Variants in NLRP2 observed in about 807,000 individuals in gnomAD.
NLRP2 encodes NLR family pyrin domain containing 2, also known as NACHT, LRR and PYD domains-containing protein 2.
Under a neutral mutation model 97.2 loss-of-function variants are expected in NLRP2, and 107 were observed. The ratio of observed to expected loss-of-function variants is 1.10; its 90% CI spans 0.94 to 1.29. The LOEUF (loss-of-function observed/expected upper bound fraction) is 1.29, where lower values mean the gene tolerates loss of function less well. Ranked by LOEUF, NLRP2 falls within the 50% of genes most tolerant of loss-of-function variation. The pLI, the probability that NLRP2 is intolerant of heterozygous loss-of-function variation, is 0.00. For synonymous variants in NLRP2, 663 were observed against 551.5 expected, an observed-to-expected ratio of 1.20 and a Z score of -2.83; for missense variants, 1,495 against 1,330.3, an observed-to-expected ratio of 1.12 and a Z score of -1.93.
intron 10 of NLRP2, among the ~76,000 whole-genome samples, chr19:54,992,556 CTTTT>C (rs71181721): frequency 1.2e-5 from 1 of 82,520 alleles, no homozygotes; most frequent in African/African-American, 5.2e-5. Flanking sequence ...GGGGGGTTTT[CTTTT>C]TTTTTTTTTT....
intron 11 of NLRP2, among the ~76,000 whole-genome samples, 179 bp downstream of exon 11, chr19:54,994,618 GT>G (rs560512287): frequency 1.1e-3 from 154 of 145,966 alleles, no homozygotes; most frequent in African/African-American, 3.1e-3. Context: ...CTAAGTTTTT[GT>G]TTTTTTTTTT....
chr19:54,992,966 C>T (rs1267455299), intron 10 of NLRP2, among the ~76,000 whole-genome samples: 15 of 151,780 alleles, frequency 9.9e-5, no homozygotes, highest in Admixed American at 6.6e-5. Context: ...TCTAGAAGGC[C>T]GGGTAGGGTC....
Position 54,974,084 on chromosome 19 carries a change from G to A in NLRP2, c.281-416G>A, listed in dbSNP as rs531822568. The A allele has an allele frequency of 5.7e-5, 52 of 906,348 alleles. No homozygotes were observed. The East Asian group carries it at 6.1e-4, about 11-fold the overall frequency. The allele number at this position is 906,348 out of a possible 1,614,324, so 56.1% of individuals were successfully genotyped here. ...TTAAAAGATACAAGCAGCCAAGCGC[G>A]GTGGCTCACGCCTGTAATCCCAACA... On this transcript the variant is annotated intron_variant, in intron 2 of 12. Coordinates refer to ENST00000448584, the MANE Select transcript of NLRP2 (RefSeq NM_017852.5).
rs1190900976 is a variant in NLRP2 at position 54,990,761 on chromosome 19, T to A, written c.2708+89T>A. The A allele has an allele frequency of 4.5e-6, 6 of 1,324,450 alleles. No individual in the cohort carries two copies. In the African/African-American group the frequency reaches 8.7e-5, roughly 19 times the overall value. 82.0% of individuals were successfully genotyped at this position (1,324,450 alleles called of 1,614,324 possible). A position where few individuals can be genotyped will look rare whatever the true frequency, so the allele number is the denominator to read the frequency against. On this transcript the variant is annotated intron_variant, in intron 10 of 12. Coordinates refer to ENST00000448584, the MANE Select transcript of NLRP2 (RefSeq NM_017852.5). ...TGAGTAGGGTGGTTATGAGAACACT[T>A]AATTCCTCTAAAAGTTCCAAGCATG...
intron 9 of NLRP2, 71 bp downstream of exon 9, chr19:54,990,263 T>TG: frequency 6.6e-7 from 1 of 1,505,036 alleles, no homozygotes; most frequent in Non-Finnish European, 9.2e-7. Context: ...TGGTCATGCC[T>TG]GACTTGGCTG....
At chr19:54,977,430 A>AG (rs1366963352) in intron 3 of NLRP2, among the ~76,000 whole-genome samples, 2 of 151,820 alleles carry the variant, frequency 1.3e-5, no homozygotes, top group African/African-American at 4.8e-5. Context: ...TCAAAAAAAA[A>AG]GAAAAACTAG....
In NLRP2 at chr19:54,994,453, T is replaced by C. The variant is rs747967401; in HGVS notation, c.2879+14T>C. 2.3e-5 allele frequency: 37 copies of C among 1,611,814 alleles called. No individual in the cohort carries two copies. Among genetic ancestry groups the C allele is most frequent in the South Asian group, 6.6e-5 (6 of 91,006 alleles). On this transcript the variant is annotated intron_variant, in intron 11 of 12. Coordinates refer to ENST00000448584, the MANE Select transcript of NLRP2 (RefSeq NM_017852.5). ...GAGATGTCTGTGGTGAGTTAACTTA[T>C]AAGTTCAACTTCCTATACTTACACC...
intron 2 of NLRP2, among the ~76,000 whole-genome samples, chr19:54,970,877 T>C (rs947888166): frequency 5.4e-5 from 8 of 147,264 alleles, no homozygotes; most frequent in African/African-American, 1.7e-4. Context: ...TTGTGCAGGT[T>C]AGTTACATAT....
In NLRP2 at chr19:54,974,366, G is replaced by C. The variant is rs958597316; in HGVS notation, c.281-134G>C. 1.0e-5 allele frequency: 8 copies of C among 767,912 alleles called. No homozygotes were observed. In the African/African-American group the frequency reaches 1.4e-4, roughly 13 times the overall value. The allele number at this position is 767,912 out of a possible 1,614,324, so 47.6% of individuals were successfully genotyped here. A position where few individuals can be genotyped will look rare whatever the true frequency, so the allele number is the denominator to read the frequency against. ...TCTGTCTCAAAAAAAAAAGATGCAA[G>C]CATTTTGAACTGGAAGGAGATAAGA... On this transcript the variant is annotated intron_variant, in intron 2 of 12. Transcript: ENST00000448584.
In NLRP2 at chr19:54,983,665, A is replaced by G. The variant is rs747440771; in HGVS notation, c.1967A>G (p.Gln656Arg). The G allele has an allele frequency of 9.3e-6, 15 of 1,613,912 alleles. No individual in the cohort carries two copies. In the Admixed American group the frequency reaches 2.3e-4, roughly 25 times the overall value. The change falls in exon 6 of 13, where the codon CAG (glutamine) becomes CGG (arginine). Residue 656 changes from glutamine to arginine, a missense_variant. Coordinates refer to ENST00000448584, the MANE Select transcript of NLRP2 (RefSeq NM_017852.5). ...HCRNLQKMSL[Q>R]VIKENLPENV... The stretch of plus-strand genomic sequence containing the variant: ...CGAAACCTGCAGAAAATGTCACTGC[A>G]GGTAATAAAGGAGAATCTCCCGGAG...
rs1045822687 is a variant in NLRP2, at chr19:54,990,680, C to G, written c.2708+8C>G. Reference sequence around the variant, plus strand: ...TAAACTGCAGACCTTGGTGTAAGTCCGTGCTGGCTGCCTGTGTGCGTGGGT... The same window carrying G: ...TAAACTGCAGACCTTGGTGTAAGTCGGTGCTGGCTGCCTGTGTGCGTGGGT... On this transcript the variant is annotated splice_region_variant and intron_variant, in intron 10 of 12. Transcript: ENST00000448584. The G allele has an allele frequency of 6.2e-7, 1 of 1,614,054 alleles. No homozygotes were observed. The highest frequency in any genetic ancestry group is 2.2e-5 in the East Asian group (1 of 44,876).
intron 10 of NLRP2, chr19:54,991,576 C>T (rs2146513289): frequency 6.6e-6 from 1 of 150,852 alleles, no homozygotes; most frequent in East Asian, 2.0e-4. Flanking sequence ...TAGGACAAAT[C>T]TTTAGAAAGG....
At chr19:54,991,788 G>C (rs1021784776) in intron 10 of NLRP2, among the ~76,000 whole-genome samples, 60 of 150,368 alleles carry the variant, frequency 4.0e-4, no homozygotes, top group African/African-American at 1.3e-3. Flanking sequence ...AGAATCGCTT[G>C]AAGTCGGGAG....
chr19:54,976,083 CTG>C (rs1236864702), intron 3 of NLRP2, among the ~76,000 whole-genome samples: 1 of 151,544 alleles, frequency 6.6e-6, no homozygotes, highest in Non-Finnish European at 1.5e-5. Context: ...AAGTCTCACT[CTG>C]TTGCCCAGGA....
In NLRP2 at chr19:54,981,509, G is replaced by GACCCCCC; in HGVS notation, c.398-108_398-107insACCCCCC. ...GCTTATTTGCTTTATCTGATCCCGT[G>GACCCCCC]CCCCCCCTCCCCCCCGCCCCATCAG... is the stretch of plus-strand genomic sequence containing the variant. On this transcript the variant is annotated intron_variant, in intron 4 of 12. Coordinates refer to ENST00000448584, the MANE Select transcript of NLRP2 (RefSeq NM_017852.5). 4 of 386,504 alleles carry GACCCCCC rather than the reference G, an allele frequency of 1.0e-5. 1 individual carries two copies. The highest frequency in any genetic ancestry group is 2.1e-5 in the South Asian group (1 of 47,156). The allele number at this position is 386,504 out of a possible 1,614,324, so 23.9% of individuals were successfully genotyped here.
In NLRP2 at chr19:54,976,788, T is replaced by C. The variant is rs530700075; in HGVS notation, c.326-964T>C. On this transcript the variant is annotated intron_variant, in intron 3 of 12. Coordinates refer to ENST00000448584, the MANE Select transcript of NLRP2 (RefSeq NM_017852.5). ...CAGGGTTAAGCTGCAGATATTGTTA[T>C]TAGGATTCCACCTTGTTCTCTCTCT... 265 of 430,696 alleles carry C rather than the reference T, an allele frequency of 6.2e-4. 6 individuals are homozygous for C. The highest frequency in any genetic ancestry group is 2.1e-3 in the South Asian group (129 of 60,764). 26.7% of individuals were successfully genotyped at this position (430,696 alleles called of 1,614,324 possible).
intron 12 of NLRP2, 70 bp from the exon 13 acceptor site, chr19:55,000,690 G>C: frequency 6.5e-7 from 1 of 1,536,662 alleles, no homozygotes; most frequent in Admixed American, 1.7e-5. Flanking sequence ...CAGACTTTCA[G>C]GTACTTGGGA....
intron 10 of NLRP2, chr19:54,993,128 A>G (rs2146524746): frequency 6.6e-6 from 1 of 151,168 alleles, no homozygotes; most frequent in South Asian, 2.1e-4. Context: ...GGTGAGGCAG[A>G]GAATTGCTTG....
At chr19:54,998,611 C>CTTTTTTTTTTTTTTTTTTTTTTTTT (rs375510249) in intron 12 of NLRP2, among the ~76,000 whole-genome samples, 1 of 42,196 alleles carries the variant, frequency 2.4e-5, no homozygotes. Context: ...CATCTTTTTT[C>CTTTTTTTTTTTTTTTTTTTTTTTTT]TTTTTTTTTT....
Sources: allele counts gnomAD v4.1 joint callset (sites outside exome capture counted in the v4.1 genomes callset), GRCh38; gene constraint gnomAD v4.1.1; transcripts MANE v1.5; gene names NCBI Gene and HGNC (gene_info 2026-07-23, HGNC 2026-07-21).